IMMP2L: variants seen among roughly 807,000 people sequenced by gnomAD.
The protein encoded by IMMP2L is inner mitochondrial membrane peptidase subunit 2.
Under a neutral mutation model 19.3 loss-of-function variants are expected in IMMP2L, and 18 were observed. That is an observed-to-expected ratio of 0.93 (90% CI 0.64 to 1.38). The LOEUF is 1.38. Ranked by LOEUF, IMMP2L falls within the 40% of genes most tolerant of loss-of-function variation. The probability of loss-of-function intolerance (pLI) is 0.00; values close to 1 mark genes in which losing one functional copy is unlikely to be tolerated. For missense variants in IMMP2L, 233 were observed against 218.2 expected (o/e 1.07, Z -0.43); for synonymous variants, 76 against 73.0 (o/e 1.04, Z -0.21).
intron 5 of IMMP2L, among the ~76,000 whole-genome samples, chr7:110,840,743 T>G (rs1194445319): frequency 2.6e-5 from 4 of 152,146 alleles, no homozygotes; most frequent in African/African-American, 9.6e-5. Flanking sequence ...TTACATGCCC[T>G]TGCTCCTAAT....
At chr7:110,949,434 T>C (rs1254094713) in intron 4 of IMMP2L, among the ~76,000 whole-genome samples, 2 of 152,216 alleles carry the variant, frequency 1.3e-5, no homozygotes, top group African/African-American at 4.8e-5. Context: ...CTGTTTAAAC[T>C]GTTGGCCAAG....
chr7:111,389,568 A>G (rs529948728), intron 3 of IMMP2L, among the ~76,000 whole-genome samples: 1 of 152,124 alleles, frequency 6.6e-6, no homozygotes, highest in South Asian at 2.1e-4. Flanking sequence ...ATAATGTGTA[A>G]TGGTAAGAGG....
At chr7:111,015,986 TC>T (rs1415844345) in intron 3 of IMMP2L, among the ~76,000 whole-genome samples, 1 of 152,034 alleles carries the variant, frequency 6.6e-6, no homozygotes, top group Non-Finnish European at 1.5e-5. Context: ...TGCATTCAAC[TC>T]CCTAGGAATC....
chr7:110,672,994 A>C (rs940737344), intron 5 of IMMP2L, among the ~76,000 whole-genome samples: 3 of 152,154 alleles, frequency 2.0e-5, no homozygotes, highest in Non-Finnish European at 4.4e-5. Flanking sequence ...GCAGTGCCCC[A>C]GTGGGGACTC....
chr7:111,502,711 T>A lies in IMMP2L; in HGVS notation c.136-15370A>T, dbSNP rs527725256. Among the ~76,000 whole-genome samples the A allele has an allele frequency of 2.0e-5, 3 of 151,550 alleles. No individual in the cohort carries two copies. The East Asian group carries it at 5.8e-4, about 29-fold the overall frequency. The stretch of plus-strand genomic sequence containing the variant: ...ACATGGAAACTGAACAACCTGCTCC[T>A]GAATGACTACTGGGTACATAACGAA... On this transcript the variant is annotated intron_variant, in intron 2 of 5. Coordinates refer to ENST00000405709, the MANE Select transcript of IMMP2L (RefSeq NM_032549.4).
At chr7:111,379,843 A>G (rs1831028956) in intron 3 of IMMP2L, among the ~76,000 whole-genome samples, 1 of 151,832 alleles carries the variant, frequency 6.6e-6, no homozygotes, top group South Asian at 2.1e-4. Flanking sequence ...ACGAAATAAC[A>G]TTCATGAACA....
intron 3 of IMMP2L, among the ~76,000 whole-genome samples, chr7:111,377,310 C>T: frequency 2.0e-5 from 3 of 151,792 alleles, no homozygotes; most frequent in Non-Finnish European, 4.4e-5. Flanking sequence ...GAAAACATCC[C>T]TCTATAGTAC....
intron 3 of IMMP2L, among the ~76,000 whole-genome samples, chr7:111,156,682 T>C (rs904042950): frequency 5.3e-5 from 8 of 152,038 alleles, no homozygotes; most frequent in Admixed American, 2.6e-4. Flanking sequence ...TTTGATGACT[T>C]TGATGCTAAT....
chr7:111,152,456 G>C (rs1804184524), intron 3 of IMMP2L, among the ~76,000 whole-genome samples: 1 of 151,640 alleles, frequency 6.6e-6, no homozygotes, highest in Non-Finnish European at 1.5e-5. Flanking sequence ...TTTTAGCACT[G>C]CATTTGTTTA....
chr7:111,459,824 G>A (rs961345402), intron 3 of IMMP2L, among the ~76,000 whole-genome samples: 1 of 152,094 alleles, frequency 6.6e-6, no homozygotes, highest in Non-Finnish European at 1.5e-5. Flanking sequence ...GGGATCCTAT[G>A]GTAGGAGGAT....
rs192773085 is a variant in IMMP2L at position 110,783,228 on chromosome 7, T to A, written c.408+103365A>T. ...AGTTTTGTCATTGTGGAGCCCTATA[T>A]CTTATTGCTAGAGATTGAAGCCCAG... On this transcript the variant is annotated intron_variant, in intron 5 of 5. Transcript: ENST00000405709. Among the ~76,000 whole-genome samples the A allele has an allele frequency of 2.0e-5, 3 of 151,982 alleles. No individual in the cohort carries two copies. In the East Asian group the frequency reaches 5.9e-4, roughly 30 times the overall value.
chr7:110,980,578 T>C (rs1230941326), intron 3 of IMMP2L, among the ~76,000 whole-genome samples: 1 of 152,128 alleles, frequency 6.6e-6, no homozygotes, highest in Non-Finnish European at 1.5e-5. Flanking sequence ...GACATGAAAC[T>C]GTCTTGTACA....
At chr7:111,101,230 T>G (rs1008286741) in intron 3 of IMMP2L, among the ~76,000 whole-genome samples, 1 of 151,590 alleles carries the variant, frequency 6.6e-6, no homozygotes, top group South Asian at 2.1e-4. Flanking sequence ...TTACCACTTA[T>G]TCATTTAGAC....
At chr7:110,984,864 C>T (rs1363867142) in intron 3 of IMMP2L, among the ~76,000 whole-genome samples, 1 of 152,028 alleles carries the variant, frequency 6.6e-6, no homozygotes, top group African/African-American at 2.4e-5. Flanking sequence ...AATACGTGAG[C>T]TTTCATAGCA....
At chr7:111,272,108 C>CA (rs1219754456) in intron 3 of IMMP2L, among the ~76,000 whole-genome samples, 4 of 152,140 alleles carry the variant, frequency 2.6e-5, no homozygotes, top group African/African-American at 2.4e-5. Flanking sequence ...TAAAATTCTC[C>CA]AATGACTTCT....
chr7:111,304,549 A>ATG (rs927373627), intron 3 of IMMP2L, among the ~76,000 whole-genome samples: 3 of 151,896 alleles, frequency 2.0e-5, no homozygotes, highest in African/African-American at 4.8e-5. Flanking sequence ...GTGTATATAT[A>ATG]TGTGTGTGTG....
intron 3 of IMMP2L, among the ~76,000 whole-genome samples, chr7:111,220,071 A>C (rs556696548): frequency 6.6e-6 from 1 of 152,176 alleles, no homozygotes; most frequent in East Asian, 1.9e-4. Flanking sequence ...CTACTAGGTT[A>C]GTGCAAAAGT....
chr7:110,948,041 C>T (rs1009374224), intron 4 of IMMP2L, among the ~76,000 whole-genome samples: 2 of 152,028 alleles, frequency 1.3e-5, no homozygotes, highest in Admixed American at 1.3e-4. Context: ...TAAGGAAAAA[C>T]ATTTAATCAT....
chr7:111,320,245 T>C (rs1364014113), intron 3 of IMMP2L, among the ~76,000 whole-genome samples: 1 of 152,046 alleles, frequency 6.6e-6, no homozygotes, highest in Non-Finnish European at 1.5e-5. Context: ...TGTTTCTCCA[T>C]TCACCTCAGT....
Sources: gnomAD v4.1 joint callset for allele counts (sites outside exome capture counted in the v4.1 genomes callset) on GRCh38, gnomAD v4.1.1 for gene constraint, MANE v1.5 for transcripts, NCBI Gene and HGNC (gene_info 2026-07-23, HGNC 2026-07-21) for gene names.